EIF5B: variants seen among roughly 807,000 people sequenced by gnomAD.
The protein encoded by EIF5B is eIF-5B.
EIF5B carries 47 observed loss-of-function variants against 147.5 expected under a neutral mutation model. That is an observed-to-expected ratio of 0.32 (90% CI 0.25 to 0.41). EIF5B has a LOEUF of 0.41. Ranked by LOEUF, EIF5B falls within the 10% of genes least tolerant of loss-of-function variation. The probability of loss-of-function intolerance (pLI) is 1.00; values close to 1 mark genes in which losing one functional copy is unlikely to be tolerated. For synonymous variants in EIF5B, 455 were observed against 456.2 expected (o/e 1.00, Z 0.03); for missense variants, 1,064 against 1,413.2 (o/e 0.75, Z 3.96).
rs558063216 is a variant in EIF5B at position 99,373,753 on chromosome 2, G to A, written c.1552+2023G>A. ...TTTAAACATTTCATCTTACTAAGTC[G>A]TTTTTTGTTCTGCCTGGTTCTTTTT... On this transcript the variant is annotated intron_variant, in intron 9 of 23. Coordinates refer to ENST00000289371, the MANE Select transcript of EIF5B (RefSeq NM_015904.4). Among the ~76,000 whole-genome samples, 91 of 152,022 alleles carry A rather than the reference G, an allele frequency of 6.0e-4. No individual in the cohort carries two copies. The Middle Eastern group carries it at 0.014, about 23-fold the overall frequency.
At chr2:99,389,941 T>A in intron 15 of EIF5B, 92 bp downstream of exon 15, 2 of 1,459,054 alleles carry the variant, frequency 1.4e-6, no homozygotes, top group Non-Finnish European at 1.8e-6. Context: ...TTAATACTGG[T>A]TCTTTTCCTC....
At chr2:99,373,726 A>AT (rs933415894) in intron 9 of EIF5B, among the ~76,000 whole-genome samples, 1 of 152,136 alleles carries the variant, frequency 6.6e-6, no homozygotes, top group Non-Finnish European at 1.5e-5. Context: ...AAGTATATTG[A>AT]TTTTAAACAT....
chr2:99,347,703 T>C (rs2094276223), intron 1 of EIF5B, among the ~76,000 whole-genome samples: 1 of 152,178 alleles, frequency 6.6e-6, no homozygotes, highest in Admixed American at 6.5e-5. Context: ...CTGATACTTT[T>C]TTTTTTATTT....
chr2:99,400,013 T>TAATC lies in EIF5B; in HGVS notation c.*601_*604dup, dbSNP rs962926255. 6.6e-6 allele frequency: 1 copy of TAATC among 152,508 alleles called. No homozygotes were observed. Among genetic ancestry groups the TAATC allele is most frequent in the East Asian group, 1.9e-4 (1 of 5,180 alleles). 9.4% of individuals were successfully genotyped at this position (152,508 alleles called of 1,614,324 possible). On this transcript the variant is annotated 3_prime_UTR_variant, in exon 24 of 24. Transcript: ENST00000289371. The stretch of plus-strand genomic sequence containing the variant: ...TGCTTGTGTAGTCACGAGTCCATTG[T>TAATC]AATCATCACAATTCTAAACCAAACT...
intron 1 of EIF5B, among the ~76,000 whole-genome samples, chr2:99,349,162 C>T (rs1422386767): frequency 2.0e-5 from 3 of 152,178 alleles, no homozygotes. Flanking sequence ...CATACAACTC[C>T]CACATTAAAG....
chr2:99,396,610 T>G, intron 21 of EIF5B, 150 bp from the exon 22 acceptor site: 1 of 889,884 alleles, frequency 1.1e-6, no homozygotes, highest in East Asian at 2.7e-5. Flanking sequence ...GGGGTGGCCC[T>G]GGGCTGCAGC....
chr2:99,368,379 T>G, intron 6 of EIF5B, 114 bp from the exon 7 acceptor site: 1 of 752,156 alleles, frequency 1.3e-6, no homozygotes, highest in South Asian at 1.7e-5. Flanking sequence ...TGAATATCCT[T>G]TCATATTTTA....
chr2:99,382,980 TAAAA>T, intron 14 of EIF5B, 59 bp downstream of exon 14: 1 of 1,500,582 alleles, frequency 6.7e-7, no homozygotes, highest in Non-Finnish European at 8.9e-7. Context: ...TTTTTGTGAT[TAAAA>T]AAAGTAGTAT....
chr2:99,371,623 T>G, intron 8 of EIF5B, 33 bp from the exon 9 acceptor site: 3 of 1,585,518 alleles, frequency 1.9e-6, no homozygotes, highest in Non-Finnish European at 2.6e-6. Context: ...TCTAAATAAT[T>G]TTTGTGTCTT....
intron 9 of EIF5B, among the ~76,000 whole-genome samples, chr2:99,375,134 A>T (rs1451160371): frequency 6.6e-6 from 1 of 152,178 alleles, no homozygotes; most frequent in Non-Finnish European, 1.5e-5. Flanking sequence ...TTAGAAGCAC[A>T]GCCATTTTAA....
rs765631469 is a variant in EIF5B at position 99,390,628 on chromosome 2, C to T, written c.2671C>T (p.Pro891Ser). The T allele has an allele frequency of 2.2e-5, 36 of 1,612,918 alleles. No homozygotes were observed. The highest frequency in any genetic ancestry group is 2.9e-5 in the Non-Finnish European group (34 of 1,179,208). Residue 891 changes from proline to serine, a missense_variant, in exon 17 of 24, where the codon CCT becomes TCT. Physicochemically the swap from Pro to Ser is moderately conservative, Grantham distance 74. Transcript: ENST00000289371. ...GAAGGAAGGAGATACAATCATTGTT[C>T]CTGGAGTAGAAGGGCCCATTGTAAC... Reference protein sequence around the residue: ...RLKEGDTIIVPGVEGPIVTQI... With the variant: ...RLKEGDTIIVSGVEGPIVTQI...
At chr2:99,384,192 G>A (rs558136203) in intron 14 of EIF5B, among the ~76,000 whole-genome samples, 23 of 27,658 alleles carry the variant, frequency 8.3e-4, no homozygotes, top group South Asian at 1.5e-3. Context: ...GCGAGACTCC[G>A]TCTCAAAAAA....
intron 4 of EIF5B, 53 bp downstream of exon 4, chr2:99,361,873 G>A: frequency 6.9e-7 from 1 of 1,443,742 alleles, no homozygotes; most frequent in Non-Finnish European, 9.1e-7. Flanking sequence ...CACAGTATAA[G>A]TTGTAATCAT....
Position 99,390,389 on chromosome 2 carries a change from A to G in EIF5B, c.2574A>G (p.Ala858=). 1 of 1,612,874 alleles carries G rather than the reference A, an allele frequency of 6.2e-7. No homozygotes were observed. The highest frequency in any genetic ancestry group is 8.5e-7 in the Non-Finnish European group (1 of 1,179,744). The change falls in exon 16 of 24, where the codon GCA becomes GCG. Residue 858 remains alanine, a synonymous_variant. Transcript: ENST00000289371. ...TTGCACACTGTGAAGAGCTGAGAGC[A>G]CAGGTGATGGAGGTAATGATCAACT... ...KRLAHCEELR[A]QVMEVKALPG...
intron 10 of EIF5B, 84 bp from the exon 11 acceptor site, chr2:99,378,935 T>C: frequency 1.8e-6 from 2 of 1,116,140 alleles, no homozygotes; most frequent in Middle Eastern, 2.9e-4. Flanking sequence ...GTAGCATTCT[T>C]TTGCCAAGGC....
At chr2:99,397,424 GCCCTGCAAGCTGCATT>G (rs1675077694) in intron 22 of EIF5B, 3 of 152,272 alleles carry the variant, frequency 2.0e-5, no homozygotes, top group African/African-American at 7.2e-5. Context: ...CTGGCCCAGT[GCCCTGCAAGCTGCATT>G]GCACTGGGGC....
In EIF5B at chr2:99,361,817, G is replaced by C; in HGVS notation, c.916G>C (p.Glu306Gln). ...EEKAETPTAA[E>Q]DDNEGDKKKK... ...GAAAGCAGAGACTCCCACAGCTGCA[G>C]AAGGTTGGTTAATACTTTAGAGGAA... The change falls in exon 4 of 24, where the codon GAA becomes CAA. Residue 306 changes from glutamate (E) to glutamine (Q), a missense_variant. Physicochemically the swap from Glu to Gln is conservative, Grantham distance 29 (BLOSUM62 2). Transcript: ENST00000289371. The C allele has an allele frequency of 1.3e-6, 2 of 1,538,676 alleles. No individual in the cohort carries two copies. The highest frequency in any genetic ancestry group is 2.6e-5 in the South Asian group (2 of 76,832).
chr2:99,377,780 G>A (rs553553397), intron 10 of EIF5B, among the ~76,000 whole-genome samples: 10 of 152,166 alleles, frequency 6.6e-5, no homozygotes, highest in African/African-American at 1.9e-4. Flanking sequence ...GGAATTTTGG[G>A]GAAATGTTCA....
intron 1 of EIF5B, among the ~76,000 whole-genome samples, chr2:99,343,619 A>G (rs1484406352): frequency 6.6e-6 from 1 of 151,326 alleles, no homozygotes; most frequent in Non-Finnish European, 1.5e-5. Context: ...GGAGTTCGAG[A>G]CCAGCCTGGC....
Sources: gnomAD v4.1 joint callset for allele counts (sites outside exome capture counted in the v4.1 genomes callset) on GRCh38, gnomAD v4.1.1 for gene constraint, MANE v1.5 for transcripts, NCBI Gene and HGNC (gene_info 2026-07-23, HGNC 2026-07-21) for gene names.